Variants in PARP8 observed in about 807,000 individuals in gnomAD.
PARP8 encodes the protein protein mono-ADP-ribosyltransferase PARP8.
In PARP8, 51 loss-of-function variants were observed where a neutral mutation model predicts 124.1. The observed-to-expected ratio is 0.41, with a 90% CI of 0.33 to 0.52. The LOEUF (loss-of-function observed/expected upper bound fraction) is 0.52, where lower values mean the gene tolerates loss of function less well. Ranked by LOEUF, PARP8 falls within the 20% of genes least tolerant of loss-of-function variation. The probability of loss-of-function intolerance (pLI) is 0.21; values close to 1 mark genes in which losing one functional copy is unlikely to be tolerated. For missense variants in PARP8, 860 were observed against 1,018.9 expected (o/e 0.84, Z 2.12); for synonymous variants, 391 against 361.5 (o/e 1.08, Z -0.93).
At chr5:50,723,838 T>A in intron 2 of PARP8, among the ~76,000 whole-genome samples, 1 of 152,146 alleles carries the variant, frequency 6.6e-6, no homozygotes. Context: ...GTTTTCTACT[T>A]GGTCAAAGTT....
intron 2 of PARP8, among the ~76,000 whole-genome samples, chr5:50,699,802 C>T (rs1404762214): frequency 9.9e-5 from 15 of 151,930 alleles, no homozygotes; most frequent in Admixed American, 7.2e-4. Flanking sequence ...GCTGATGCTG[C>T]GGGACTATGG....
intron 2 of PARP8, among the ~76,000 whole-genome samples, chr5:50,748,970 T>C (rs2149549586): frequency 6.6e-6 from 1 of 152,324 alleles, no homozygotes; most frequent in Admixed American, 6.5e-5. Flanking sequence ...TGTTTGCTCT[T>C]TTGCTAGTGC....
intron 2 of PARP8, among the ~76,000 whole-genome samples, chr5:50,748,226 A>T (rs1175542664): frequency 1.3e-5 from 2 of 151,374 alleles, no homozygotes; most frequent in African/African-American, 4.9e-5. Flanking sequence ...TGCTATAGGG[A>T]TATTTCCTTT....
rs1273382776 is a variant in PARP8 at position 50,774,190 on chromosome 5, G to T, written c.519-3879G>T. 2.0e-5 allele frequency among the ~76,000 whole-genome samples: 3 copies of T among 152,192 alleles called. No individual in the cohort carries two copies. In the East Asian group the frequency reaches 5.8e-4, roughly 29 times the overall value. On this transcript the variant is annotated intron_variant, in intron 7 of 25. Coordinates refer to ENST00000281631, the MANE Select transcript of PARP8 (RefSeq NM_024615.4). ...AGATTAACAGCATCCCAAGGCAGAA[G>T]AATTTTTCTTAGTACAGAACAAAAT... is the stretch of plus-strand genomic sequence containing the variant.
At chr5:50,667,868 C>CT in intron 1 of PARP8, 2 of 1,449,274 alleles carry the variant, frequency 1.4e-6, no homozygotes, top group Non-Finnish European at 1.8e-6. Context: ...GCACTTGTTG[C>CT]GGGGGGCGGC....
intron 2 of PARP8, chr5:50,744,757 G>A (rs1580176057): frequency 2.9e-6 from 2 of 701,608 alleles, no homozygotes; most frequent in Non-Finnish European, 5.2e-6. Context: ...TTGCTCCAGG[G>A]ATGTGAGGAC....
intron 2 of PARP8, among the ~76,000 whole-genome samples, chr5:50,727,788 G>A (rs1756575629): frequency 6.6e-6 from 1 of 152,102 alleles, no homozygotes; most frequent in African/African-American, 2.4e-5. Flanking sequence ...CATCCTGCAG[G>A]AAACTTTCCT....
intron 2 of PARP8, 125 bp downstream of exon 2, chr5:50,668,250 C>T (rs1749592246): frequency 1.1e-6 from 1 of 879,442 alleles, no homozygotes; most frequent in Non-Finnish European, 1.9e-6. Flanking sequence ...TTTTCTTTAC[C>T]TGCTACCCAA....
chr5:50,757,403 T>A (rs2149570263), intron 3 of PARP8, among the ~76,000 whole-genome samples: 2 of 152,320 alleles, frequency 1.3e-5, no homozygotes, highest in Middle Eastern at 6.8e-3. Flanking sequence ...AGGTTTGATG[T>A]GCTTTCTTTC....
chr5:50,799,595 A>G (rs1275636752), intron 14 of PARP8, among the ~76,000 whole-genome samples: 4 of 152,150 alleles, frequency 2.6e-5, no homozygotes, highest in African/African-American at 7.2e-5. Context: ...ATTTCTGCAA[A>G]AAGGCAGTTG....
chr5:50,735,966 C>CCG (rs1757436638), intron 2 of PARP8, among the ~76,000 whole-genome samples: 1 of 150,116 alleles, frequency 6.7e-6, no homozygotes. Context: ...TCCCCCCCCC[C>CCG]CTTTTATTAG....
At chr5:50,819,078 G>A (rs974196105) in intron 15 of PARP8, among the ~76,000 whole-genome samples, 3 of 152,180 alleles carry the variant, frequency 2.0e-5, no homozygotes, top group African/African-American at 4.8e-5. Context: ...GTGGAAATGT[G>A]CTTTGCTGAG....
intron 2 of PARP8, among the ~76,000 whole-genome samples, chr5:50,717,530 G>T (rs897184677): frequency 6.6e-6 from 1 of 151,818 alleles, no homozygotes; most frequent in African/African-American, 2.4e-5. Flanking sequence ...GTAGATTTGG[G>T]TTTCATTGCA....
At chr5:50,732,952 A>G (rs1479356600) in intron 2 of PARP8, among the ~76,000 whole-genome samples, 1 of 151,902 alleles carries the variant, frequency 6.6e-6, no homozygotes, top group Non-Finnish European at 1.5e-5. Context: ...AACTGTGAAT[A>G]GTTTTCACAT....
intron 10 of PARP8, 93 bp downstream of exon 10, chr5:50,788,682 G>A (rs2149634452): frequency 4.4e-6 from 4 of 910,506 alleles, no homozygotes; most frequent in South Asian, 2.0e-5. Context: ...AACCTATTCA[G>A]TAAGAACTTT....
intron 7 of PARP8, among the ~76,000 whole-genome samples, chr5:50,773,705 T>C (rs1415062869): frequency 1.3e-5 from 2 of 152,214 alleles, no homozygotes; most frequent in African/African-American, 2.4e-5. Context: ...CATTGATATT[T>C]TGACAGGGGT....
At chr5:50,750,045 A>G (rs1201898655) in intron 2 of PARP8, 106 bp from the exon 3 acceptor site, 2 of 859,154 alleles carry the variant, frequency 2.3e-6, no homozygotes, top group African/African-American at 1.7e-5. Context: ...TTATACTTAC[A>G]TCTTTATAAC....
At chr5:50,710,102 A>T (rs1216118492) in intron 2 of PARP8, among the ~76,000 whole-genome samples, 1 of 151,592 alleles carries the variant, frequency 6.6e-6, no homozygotes, top group East Asian at 1.9e-4. Context: ...TTGGACAGAG[A>T]CAATTCATAT....
At chr5:50,672,303 C>T (rs909454184) in intron 2 of PARP8, among the ~76,000 whole-genome samples, 1 of 152,190 alleles carries the variant, frequency 6.6e-6, no homozygotes, top group Non-Finnish European at 1.5e-5. Context: ...CTCTCCTATG[C>T]GTTGCAGTTT....
Sources: allele counts gnomAD v4.1 joint callset (sites outside exome capture counted in the v4.1 genomes callset), GRCh38; gene constraint gnomAD v4.1.1; transcripts MANE v1.5; gene names NCBI Gene and HGNC (gene_info 2026-07-23, HGNC 2026-07-21).